PLCXD3: variants seen among roughly 807,000 people sequenced by gnomAD.
PLCXD3 encodes the protein PI-PLC X domain-containing protein 3.
PLCXD3 carries 19 observed loss-of-function variants against 25.5 expected under a neutral mutation model. That is an observed-to-expected ratio of 0.75 (90% CI 0.52 to 1.09). The LOEUF is 1.09. Ranked by LOEUF, PLCXD3 falls within the 50% of genes least tolerant of loss-of-function variation. The probability of loss-of-function intolerance (pLI) is 0.00; values close to 1 mark genes in which losing one functional copy is unlikely to be tolerated. For missense variants in PLCXD3, 411 were observed against 388.1 expected, an observed-to-expected ratio of 1.06 and a Z score of -0.50; for synonymous variants, 174 against 137.6, an observed-to-expected ratio of 1.26 and a Z score of -1.85.
At chr5:41,348,583 A>T (rs1455405874) in intron 2 of PLCXD3, among the ~76,000 whole-genome samples, 1 of 152,234 alleles carries the variant, frequency 6.6e-6, no homozygotes, top group Non-Finnish European at 1.5e-5. Flanking sequence ...TCCTACAGAA[A>T]TCCCATCACC....
chr5:41,510,568 G>C lies in PLCXD3; in HGVS notation c.-42C>G, dbSNP rs753308736. 1.3e-6 allele frequency: 2 copies of C among 1,526,606 alleles called. No individual in the cohort carries two copies. The highest frequency in any genetic ancestry group is 2.3e-5 in the East Asian group (1 of 43,328). The allele number at this position is 1,526,606 out of a possible 1,614,324, so 94.6% of individuals were successfully genotyped here. On this transcript the variant is annotated 5_prime_UTR_variant, in exon 1 of 3. Transcript: ENST00000377801. ...CAGCGCGCTGGTCCCAGCACTCCTC[G>C]GGCAGGCTGGCAGGCTGCTGCCGCT...
chr5:41,354,517 T>C (rs1744563433), intron 2 of PLCXD3, among the ~76,000 whole-genome samples: 2 of 152,302 alleles, frequency 1.3e-5, no homozygotes, highest in South Asian at 4.1e-4. Context: ...ATATTTTAAA[T>C]CTCTGTCCAT....
chr5:41,375,017 A>G (rs188344028), intron 2 of PLCXD3, among the ~76,000 whole-genome samples: 1 of 152,202 alleles, frequency 6.6e-6, no homozygotes, highest in Admixed American at 6.5e-5. Flanking sequence ...AACTTCCAAG[A>G]GACTAGACCC....
At position 41,382,293 on chromosome 5, in the gene PLCXD3, A is replaced by C. The variant is rs779389425; in HGVS notation, c.345T>G (p.Gly115=). 1 of 1,613,428 alleles carries C rather than the reference A, an allele frequency of 6.2e-7. No homozygotes were observed. The highest frequency in any genetic ancestry group is 1.3e-5 in the African/African-American group (1 of 74,840). Residue 115 remains glycine (G), a synonymous_variant, in exon 2 of 3, where the codon GGT becomes GGG. Coordinates refer to ENST00000377801, the MANE Select transcript of PLCXD3 (RefSeq NM_001005473.3). ...CTTCATTGACTTTGGCACTGAACAA[A>C]CCATGAGCAAAATAGAGTTCATTGT... ...DPDNELYFAH[G]LFSAKVNEGL... is the part of the protein sequence containing the mutation.
intron 1 of PLCXD3, among the ~76,000 whole-genome samples, chr5:41,402,342 T>A (rs1746211105): frequency 6.6e-6 from 1 of 151,806 alleles, no homozygotes; most frequent in African/African-American, 2.4e-5. Flanking sequence ...TTCTTTAACC[T>A]CTAAGTAATT....
At chr5:41,354,696 A>C (rs1256395429) in intron 2 of PLCXD3, among the ~76,000 whole-genome samples, 2 of 151,954 alleles carry the variant, frequency 1.3e-5, no homozygotes, top group Non-Finnish European at 2.9e-5. Context: ...TGGTGTGATA[A>C]CTCCTCTTTG....
At chr5:41,456,663 T>C (rs1157495687) in intron 1 of PLCXD3, 1 of 311,908 alleles carries the variant, frequency 3.2e-6, no homozygotes, top group East Asian at 1.7e-4. Flanking sequence ...TGGAAGATGA[T>C]TAGGTCCTGA....
At chr5:41,377,020 C>T (rs1175701794) in intron 2 of PLCXD3, among the ~76,000 whole-genome samples, 3 of 152,084 alleles carry the variant, frequency 2.0e-5, no homozygotes, top group Non-Finnish European at 2.9e-5. Flanking sequence ...GGTTATAAGA[C>T]TCCATATCTG....
At chr5:41,382,580 C>T (rs758355912) in intron 1 of PLCXD3, 46 bp from the exon 2 acceptor site, 28 of 1,418,376 alleles carry the variant, frequency 2.0e-5, no homozygotes, top group Non-Finnish European at 2.7e-5. Context: ...CACGTCTTTG[C>T]CCTTCCCACC....
intron 1 of PLCXD3, among the ~76,000 whole-genome samples, chr5:41,423,406 G>C (rs1746875389): frequency 6.6e-6 from 1 of 152,034 alleles, no homozygotes; most frequent in South Asian, 2.1e-4. Context: ...AGTTTTTCAA[G>C]TATATTGGCA....
At chr5:41,462,096 T>C (rs577214467) in intron 1 of PLCXD3, among the ~76,000 whole-genome samples, 205 of 152,114 alleles carry the variant, frequency 1.3e-3, no homozygotes, top group African/African-American at 4.8e-3. Context: ...CATACCTCTG[T>C]AAGAAACATA....
chr5:41,455,786 G>A (rs899342745), intron 1 of PLCXD3, among the ~76,000 whole-genome samples: 2 of 151,878 alleles, frequency 1.3e-5, no homozygotes, highest in East Asian at 3.9e-4. Context: ...ATTCTGAAAA[G>A]GCTTTAGGAT....
intron 1 of PLCXD3, among the ~76,000 whole-genome samples, chr5:41,471,501 C>T (rs1481799683): frequency 2.0e-5 from 3 of 152,142 alleles, no homozygotes; most frequent in African/African-American, 7.2e-5. Flanking sequence ...TCGCCCATCC[C>T]AGTGGTCAGA....
chr5:41,361,334 C>T (rs1744770362), intron 2 of PLCXD3, among the ~76,000 whole-genome samples: 1 of 152,210 alleles, frequency 6.6e-6, no homozygotes, highest in Non-Finnish European at 1.5e-5. Flanking sequence ...CCATGAGCTT[C>T]CCTGCTGAGA....
intron 2 of PLCXD3, among the ~76,000 whole-genome samples, chr5:41,318,170 GC>G (rs1743356569): frequency 6.6e-6 from 1 of 151,966 alleles, no homozygotes; most frequent in African/African-American, 2.4e-5. Flanking sequence ...TCCCAGACCC[GC>G]CCCACAAGAA....
At chr5:41,446,537 C>T (rs1439787271) in intron 1 of PLCXD3, among the ~76,000 whole-genome samples, 9 of 145,618 alleles carry the variant, frequency 6.2e-5, no homozygotes, top group African/African-American at 2.5e-5. Flanking sequence ...GTGCTAGTTT[C>T]TTTTTTTTTT....
intron 2 of PLCXD3, among the ~76,000 whole-genome samples, chr5:41,359,924 T>C (rs1744726570): frequency 6.6e-6 from 1 of 152,200 alleles, no homozygotes; most frequent in Non-Finnish European, 1.5e-5. Flanking sequence ...TTTCCTCAAA[T>C]ATGTTTTCCA....
intron 1 of PLCXD3, among the ~76,000 whole-genome samples, chr5:41,404,533 A>C (rs1746294749): frequency 6.6e-6 from 1 of 152,162 alleles, no homozygotes; most frequent in African/African-American, 2.4e-5. Context: ...AAAAATAAGA[A>C]TATTTACTAC....
chr5:41,483,996 A>G (rs1748465849), intron 1 of PLCXD3, among the ~76,000 whole-genome samples: 1 of 152,114 alleles, frequency 6.6e-6, no homozygotes, highest in African/African-American at 2.4e-5. Flanking sequence ...TCTCATTTTG[A>G]GGAGGCAATT....
Sources: gnomAD v4.1 joint callset for allele counts (sites outside exome capture counted in the v4.1 genomes callset) on GRCh38, gnomAD v4.1.1 for gene constraint, MANE v1.5 for transcripts, NCBI Gene and HGNC (gene_info 2026-07-23, HGNC 2026-07-21) for gene names.